Variants in GPBP1 observed in about 807,000 individuals in gnomAD.
GPBP1 encodes the protein vasculin.
A neutral mutation model predicts 56.5 loss-of-function variants in GPBP1; 13 were observed. The observed-to-expected ratio is 0.23, with a 90% confidence interval of 0.15 to 0.37. The LOEUF is 0.37. GPBP1 is among the 10% of genes least tolerant of loss of function. GPBP1 has a pLI of 1.00. For missense variants in GPBP1, 477 were observed against 572.3 expected (o/e 0.83, Z 1.70); for synonymous variants, 204 against 188.9 (o/e 1.08, Z -0.66).
chr5:57,175,142 A>C (rs1191128275), intron 1 of GPBP1, among the ~76,000 whole-genome samples: 2 of 152,224 alleles, frequency 1.3e-5, no homozygotes, highest in Admixed American at 1.3e-4. Context: ...AAATTTATTC[A>C]AGAAGTATAA....
chr5:57,225,511 A>C (rs987324355), intron 3 of GPBP1, among the ~76,000 whole-genome samples: 12 of 145,776 alleles, frequency 8.2e-5, no homozygotes, highest in Non-Finnish European at 1.5e-4. Flanking sequence ...AAAAAAAAAA[A>C]CAAACTGGTA....
intron 2 of GPBP1, among the ~76,000 whole-genome samples, chr5:57,193,983 A>G (rs1371867446): frequency 6.6e-6 from 1 of 152,146 alleles, no homozygotes; most frequent in Non-Finnish European, 1.5e-5. Flanking sequence ...TTTCTTATGT[A>G]TTTTAGAGAT....
At chr5:57,219,375 C>CAAAAAAAAAA (rs869152603) in intron 3 of GPBP1, among the ~76,000 whole-genome samples, 2 of 35,318 alleles carry the variant, frequency 5.7e-5, no homozygotes, top group African/African-American at 1.1e-4. Context: ...GACTCTGTCT[C>CAAAAAAAAAA]AAAAAAAAAA....
Position 57,237,128 on chromosome 5 carries a change from C to T in GPBP1, c.478+1096C>T, listed in dbSNP as rs1756692769. ...CTCTCCCCAGGCCTACACGCCCAGA[C>T]ACACACATACCCAACCAAAAAAATC... On this transcript the variant is annotated intron_variant, in intron 6 of 11. Transcript: ENST00000506184. 5 of 1,548,990 alleles carry T rather than the reference C, an allele frequency of 3.2e-6. No individual in the cohort carries two copies. The Admixed American group carries it at 9.8e-5, about 30-fold the overall frequency.
intron 3 of GPBP1, among the ~76,000 whole-genome samples, chr5:57,217,584 C>G (rs1233128067): frequency 6.6e-6 from 1 of 151,550 alleles, no homozygotes; most frequent in African/African-American, 2.4e-5. Flanking sequence ...AACAAACAAA[C>G]AAAAAACACA....
At chr5:57,225,392 G>C (rs1756135126) in intron 3 of GPBP1, among the ~76,000 whole-genome samples, 1 of 151,344 alleles carries the variant, frequency 6.6e-6, no homozygotes, top group Non-Finnish European at 1.5e-5. Flanking sequence ...TACTCGGGAG[G>C]CTGAGGCAGG....
At chr5:57,220,574 C>T (rs1473381671) in intron 3 of GPBP1, among the ~76,000 whole-genome samples, 1 of 151,720 alleles carries the variant, frequency 6.6e-6, no homozygotes, top group African/African-American at 2.4e-5. Context: ...ATTCTCCTGC[C>T]TCAGCCTCCT....
At chr5:57,229,307 T>C (rs1016789946) in intron 3 of GPBP1, among the ~76,000 whole-genome samples, 1 of 147,970 alleles carries the variant, frequency 6.8e-6, no homozygotes, top group African/African-American at 2.5e-5. Context: ...TCATTATATA[T>C]TGGCCAATGG....
chr5:57,262,909 T>A lies in GPBP1; in HGVS notation c.*157T>A. On this transcript the variant is annotated 3_prime_UTR_variant, in exon 12 of 12. Coordinates refer to ENST00000506184, the MANE Select transcript of GPBP1 (RefSeq NM_022913.4). ...CAATATGAAGAAAACCAAGAATGTTTTGTTGGGCTGTGTTGAACATTATTT... is the reference window on the plus strand; with the variant it reads ...CAATATGAAGAAAACCAAGAATGTTATGTTGGGCTGTGTTGAACATTATTT... 3.3e-6 allele frequency: 2 copies of A among 608,416 alleles called. No individual in the cohort carries two copies. Among genetic ancestry groups the A allele is most frequent in the East Asian group, 5.7e-5 (2 of 35,168 alleles). The allele number at this position is 608,416 out of a possible 1,614,324, so 37.7% of individuals were successfully genotyped here. A position where few individuals can be genotyped will look rare whatever the true frequency, so the allele number is the denominator to read the frequency against.
At chr5:57,251,703 C>T (rs1733835748) in intron 10 of GPBP1, among the ~76,000 whole-genome samples, 1 of 151,440 alleles carries the variant, frequency 6.6e-6, no homozygotes, top group African/African-American at 2.4e-5. Context: ...GGATAGATAC[C>T]TAGGAGTTGA....
chr5:57,189,137 T>C (rs1257938902), intron 2 of GPBP1, among the ~76,000 whole-genome samples: 1 of 152,164 alleles, frequency 6.6e-6, no homozygotes, highest in African/African-American at 2.4e-5. Flanking sequence ...ATTTTTTTTT[T>C]GGAAGACAGT....
chr5:57,178,689 GTTC>G (rs1360544733), intron 2 of GPBP1, among the ~76,000 whole-genome samples: 1 of 152,208 alleles, frequency 6.6e-6, no homozygotes, highest in East Asian at 1.9e-4. Flanking sequence ...GCGTACAGCA[GTTC>G]TTCAAGGACA....
intron 3 of GPBP1, among the ~76,000 whole-genome samples, chr5:57,223,638 C>T (rs1346185921): frequency 2.0e-5 from 3 of 152,028 alleles, no homozygotes; most frequent in Non-Finnish European, 4.4e-5. Context: ...CTTACCTCCT[C>T]ACACCTCCGT....
intron 2 of GPBP1, among the ~76,000 whole-genome samples, chr5:57,189,217 C>T (rs913679559): frequency 6.6e-6 from 1 of 152,192 alleles, no homozygotes; most frequent in Non-Finnish European, 1.5e-5. Context: ...CTTTCCAGTT[C>T]AGGTCATTCT....
intron 5 of GPBP1, among the ~76,000 whole-genome samples, chr5:57,232,056 C>G (rs7714635): frequency 6.6e-6 from 1 of 152,110 alleles, no homozygotes; most frequent in African/African-American, 2.4e-5. Context: ...CAGGGTCTCA[C>G]TCTTTTGCCT....
At chr5:57,241,982 G>A (rs1171343474) in intron 6 of GPBP1, among the ~76,000 whole-genome samples, 3 of 152,248 alleles carry the variant, frequency 2.0e-5, no homozygotes, top group Admixed American at 6.5e-5. Flanking sequence ...GATACATGAT[G>A]CAAATTAATT....
chr5:57,195,629 A>G lies in GPBP1; in HGVS notation c.-57-18445A>G, dbSNP rs547273204. ...GATGTATTTGCTTGTATTTGAAGCCATTAGGAGCTAGCTGTGATGACTTAG... is the reference window on the plus strand; with the variant it reads ...GATGTATTTGCTTGTATTTGAAGCCGTTAGGAGCTAGCTGTGATGACTTAG... On this transcript the variant is annotated intron_variant, in intron 2 of 11. Transcript: ENST00000506184. 2.0e-5 allele frequency among the ~76,000 whole-genome samples: 3 copies of G among 152,252 alleles called. No homozygotes were observed. The South Asian group carries it at 6.2e-4, about 32-fold the overall frequency.
intron 2 of GPBP1, among the ~76,000 whole-genome samples, chr5:57,200,360 A>AT (rs70999063): frequency 0.049 from 3,398 of 69,734 alleles, 92 homozygotes; most frequent in East Asian, 0.061. Context: ...ATAAGTTTGA[A>AT]TTTTTTTTTT....
chr5:57,263,426 A>G lies in GPBP1; in HGVS notation c.*674A>G, dbSNP rs561762172. The G allele has an allele frequency of 6.6e-6, 1 of 152,288 alleles. No individual in the cohort carries two copies. The highest frequency in any genetic ancestry group is 1.5e-5 in the Non-Finnish European group (1 of 67,996). 9.4% of individuals were successfully genotyped at this position (152,288 alleles called of 1,614,324 possible). A position where few individuals can be genotyped will look rare whatever the true frequency, so the allele number is the denominator to read the frequency against. On this transcript the variant is annotated 3_prime_UTR_variant, in exon 12 of 12. Transcript: ENST00000506184. ...TTCCAAATTTTAAGAGGTGATTTTCAAAAGCTTTATTGGGGTATGTTGTCA... is the reference window on the plus strand; with the variant it reads ...TTCCAAATTTTAAGAGGTGATTTTCGAAAGCTTTATTGGGGTATGTTGTCA...
Sources: allele counts gnomAD v4.1 joint callset (sites outside exome capture counted in the v4.1 genomes callset), GRCh38; gene constraint gnomAD v4.1.1; transcripts MANE v1.5; gene names NCBI Gene and HGNC (gene_info 2026-07-23, HGNC 2026-07-21).